The following SCD variants were observed in gnomAD, a reference collection of about 807,000 sequenced individuals.
SCD encodes stearoyl-CoA desaturase.
In SCD, 4 loss-of-function variants were observed where a neutral mutation model predicts 35.7. The ratio of observed to expected loss-of-function variants is 0.11; its 90% CI spans 0.06 to 0.26. The LOEUF is 0.26. Among genes scored for constraint, SCD ranks in the 10% least tolerant of loss-of-function variants. SCD has a pLI of 1.00. For synonymous variants in SCD, 150 were observed against 170.2 expected (o/e 0.88, Z 0.92); for missense variants, 282 against 460.7 (o/e 0.61, Z 3.55).
At position 100,361,683 on chromosome 10, in the gene SCD, G is replaced by A. The variant is rs1187714633; in HGVS notation, c.*750G>A. The A allele has an allele frequency of 1.3e-5, 2 of 152,220 alleles. No homozygotes were observed. Among genetic ancestry groups the A allele is most frequent in the African/African-American group, 4.8e-5 (2 of 41,458 alleles). The allele number at this position is 152,220 out of a possible 1,614,324, so 9.4% of individuals were successfully genotyped here. ...AATGCCGCAACATATAGTTGAGGCC[G>A]AGGATAAAGAAAAGACATTTTAAGT... On this transcript the variant is annotated 3_prime_UTR_variant, in exon 6 of 6. Coordinates refer to ENST00000370355, the MANE Select transcript of SCD (RefSeq NM_005063.5).
Position 100,362,945 on chromosome 10 carries a change from C to A in SCD, c.*2012C>A, listed in dbSNP as rs1331997978. On this transcript the variant is annotated 3_prime_UTR_variant, in exon 6 of 6. Coordinates refer to ENST00000370355, the MANE Select transcript of SCD (RefSeq NM_005063.5). ...GGGCATGCTGAATGCCCCCTGCTTA[C>A]TTGGTGAGGGTGCCCCGCCTGAGTC... 1 of 152,324 alleles carries A rather than the reference C, an allele frequency of 6.6e-6. No homozygotes were observed. Among genetic ancestry groups the A allele is most frequent in the African/African-American group, 2.4e-5 (1 of 41,474 alleles). 9.4% of individuals were successfully genotyped at this position (152,324 alleles called of 1,614,324 possible). A position where few individuals can be genotyped will look rare whatever the true frequency, so the allele number is the denominator to read the frequency against.
rs1297148755 is a variant in SCD at position 100,352,277 on chromosome 10, G to A, written c.311-89G>A. 5.1e-6 allele frequency: 7 copies of A among 1,385,394 alleles called. No homozygotes were observed. The highest frequency in any genetic ancestry group is 7.0e-6 in the Non-Finnish European group (7 of 1,002,148). 85.8% of individuals were successfully genotyped at this position (1,385,394 alleles called of 1,614,324 possible). Reference sequence around the variant, plus strand: ...TCTCACCCAAAGCCTGACGAAGACAGTTTCTAGCATCCAGAGAGTGTCTCT... The same window carrying A: ...TCTCACCCAAAGCCTGACGAAGACAATTTCTAGCATCCAGAGAGTGTCTCT... On this transcript the variant is annotated intron_variant, in intron 2 of 5. Coordinates refer to ENST00000370355, the MANE Select transcript of SCD (RefSeq NM_005063.5). This position sits in a 1 kb window ranked among gnomAD's most constrained non-coding sequence, Gnocchi z 4.2.
rs200181676 is a variant in SCD, at chr10:100,360,979, G to C, written c.*46G>C. ...CTTTTTCAAAAACCAGCCAGGCAGA[G>C]GTTTTAATGTCTGTTTATTAACTAC... is the stretch of plus-strand genomic sequence containing the variant. On this transcript the variant is annotated 3_prime_UTR_variant, in exon 6 of 6. Coordinates refer to ENST00000370355, the MANE Select transcript of SCD (RefSeq NM_005063.5). 3 of 1,519,540 alleles carry C rather than the reference G, an allele frequency of 2.0e-6. No homozygotes were observed. Among genetic ancestry groups the C allele is most frequent in the East Asian group, 2.2e-5 (1 of 44,468 alleles). The allele number at this position is 1,519,540 out of a possible 1,614,324, so 94.1% of individuals were successfully genotyped here. A position where few individuals can be genotyped will look rare whatever the true frequency, so the allele number is the denominator to read the frequency against.
intron 3 of SCD, 140 bp from the exon 4 acceptor site, chr10:100,354,287 A>T (rs1240253030): frequency 2.7e-6 from 2 of 734,538 alleles, no homozygotes; most frequent in Admixed American, 5.2e-5. Context: ...AGGCAACTCC[A>T]TGACTCCTTT....
At chr10:100,359,432 T>G (rs879178508) in intron 5 of SCD, among the ~76,000 whole-genome samples, 1 of 152,082 alleles carries the variant, frequency 6.6e-6, no homozygotes, top group African/African-American at 2.4e-5. Context: ...ACCCTCTTCT[T>G]TTTTTTTCCT....
In SCD at chr10:100,348,332, A is replaced by C. The variant is rs1333305110; in HGVS notation, c.296A>C (p.Tyr99Ser). 1.9e-6 allele frequency: 3 copies of C among 1,613,594 alleles called. No homozygotes were observed. The highest frequency in any genetic ancestry group is 2.7e-5 in the African/African-American group (2 of 74,858). ...GITLIPTCKF[Y>S]TWLWGVFYYF... Reference sequence around the variant, plus strand: ...ACTTTGATTCCTACCTGCAAGTTCTACACCTGGCTTTGGGGTAAGCAGCCT... The same window carrying C: ...ACTTTGATTCCTACCTGCAAGTTCTCCACCTGGCTTTGGGGTAAGCAGCCT... The change falls in exon 2 of 6, where the codon TAC becomes TCC. Residue 99 changes from tyrosine (Y) to serine (S), a missense_variant. Around this residue, in one of 2 missense-constraint regions of SCD, gnomAD observed 205 missense variants for 372.3 expected, o/e 0.55. Coordinates refer to ENST00000370355, the MANE Select transcript of SCD (RefSeq NM_005063.5).
chr10:100,361,396 A>G lies in SCD; in HGVS notation c.*463A>G, dbSNP rs1253415485. 6.3e-6 allele frequency: 1 copy of G among 159,600 alleles called. No homozygotes were observed. Among genetic ancestry groups the G allele is most frequent in the Non-Finnish European group, 1.4e-5 (1 of 72,156 alleles). 9.9% of individuals were successfully genotyped at this position (159,600 alleles called of 1,614,324 possible). ...TCTTCTGGGTAGTCCCCTGTTGATTATCTTCAGCCCAGGCTTTTGCTAGAT... is the reference window on the plus strand; with the variant it reads ...TCTTCTGGGTAGTCCCCTGTTGATTGTCTTCAGCCCAGGCTTTTGCTAGAT... On this transcript the variant is annotated 3_prime_UTR_variant, in exon 6 of 6. Transcript: ENST00000370355.
Position 100,354,559 on chromosome 10 carries a change from G to C in SCD, c.574G>C (p.Ala192Pro), listed in dbSNP as rs1849907583. 1 of 1,614,080 alleles carries C rather than the reference G, an allele frequency of 6.2e-7. No homozygotes were observed. Among genetic ancestry groups the C allele is most frequent in the African/African-American group, 1.3e-5 (1 of 74,946 alleles). ...TTGGCTGCTTGTGCGCAAACACCCA[G>C]CTGTCAAAGAGAAGGGGAGTACGCT... ...VGWLLVRKHP[A>P]VKEKGSTLDL... The change falls in exon 4 of 6, where the codon GCT becomes CCT. Residue 192 changes from alanine to proline, a missense_variant. By Grantham distance (27) the Ala-to-Pro change is conservative (BLOSUM62 -1). Coordinates refer to ENST00000370355, the MANE Select transcript of SCD (RefSeq NM_005063.5).
chr10:100,353,783 G>A (rs1003021444), intron 3 of SCD, among the ~76,000 whole-genome samples: 1 of 152,178 alleles, frequency 6.6e-6, no homozygotes, highest in Non-Finnish European at 1.5e-5. Flanking sequence ...GATCATCTCT[G>A]CCATAGCAGC....
At chr10:100,359,371 G>A (rs1018417738) in intron 5 of SCD, among the ~76,000 whole-genome samples, 2 of 151,898 alleles carry the variant, frequency 1.3e-5, no homozygotes, top group Admixed American at 1.3e-4. Context: ...CCTTTCTTGG[G>A]CTGTCTCTTG....
chr10:100,352,261 A>G lies in SCD; in HGVS notation c.311-105A>G. ...TCATGGTAAAGCCAGTTCTCACCCA[A>G]AGCCTGACGAAGACAGTTTCTAGCA... On this transcript the variant is annotated intron_variant, in intron 2 of 5. Transcript: ENST00000370355. This position sits in a 1 kb window ranked among gnomAD's most constrained non-coding sequence, Gnocchi z 4.2. The G allele has an allele frequency of 8.4e-7, 1 of 1,191,704 alleles. No homozygotes were observed. The allele number at this position is 1,191,704 out of a possible 1,614,324, so 73.8% of individuals were successfully genotyped here.
chr10:100,352,540 A>AATG lies in SCD; in HGVS notation c.441+47_441+49dup. 1 of 1,594,240 alleles carries AATG rather than the reference A, an allele frequency of 6.3e-7. No individual in the cohort carries two copies. The highest frequency in any genetic ancestry group is 1.1e-5 in the South Asian group (1 of 90,552). On this transcript the variant is annotated intron_variant, in intron 3 of 5. Transcript: ENST00000370355. This position sits in a 1 kb window ranked among gnomAD's most constrained non-coding sequence, Gnocchi z 4.2. ...TCAGCTGTTTGTCCTCCACACTATTAATGATCCGGGGACAGAAAGGAGGGA... is the reference window on the plus strand; with the variant it reads ...TCAGCTGTTTGTCCTCCACACTATTAATGATGATCCGGGGACAGAAAGGAGGGA...
In SCD at chr10:100,348,099, A is replaced by C. The variant is rs201996503; in HGVS notation, c.63A>C (p.Thr21=). 9 of 1,613,380 alleles carry C rather than the reference A, an allele frequency of 5.6e-6. No individual in the cohort carries two copies. The African/African-American group carries it at 1.2e-4, about 22-fold the overall frequency. The change falls in exon 2 of 6, where the codon ACA becomes ACC. Residue 21 remains threonine (T), a synonymous_variant. Transcript: ENST00000370355. ...CCTATACCACCACCACCACCATTAC[A>C]GCGCCTCCCTCCAGGGTCCTGCAGA... ...SSSYTTTTTI[T]APPSRVLQNG... is the part of the protein sequence containing the mutation.
chr10:100,351,348 C>CCG (rs1452862777), intron 2 of SCD, among the ~76,000 whole-genome samples: 1 of 34,004 alleles, frequency 2.9e-5, no homozygotes, highest in Non-Finnish European at 5.8e-5. Context: ...GAGAGCGTTG[C>CCG]CCGGTGAGAG....
At chr10:100,354,392 C>T in intron 3 of SCD, 35 bp from the exon 4 acceptor site, 1 of 1,585,786 alleles carries the variant, frequency 6.3e-7, no homozygotes, top group Non-Finnish European at 8.7e-7. Flanking sequence ...GGTGTCTATC[C>T]TCAAGCCTTA....
intron 5 of SCD, among the ~76,000 whole-genome samples, chr10:100,358,981 C>T (rs904387946): frequency 6.6e-6 from 1 of 152,026 alleles, no homozygotes; most frequent in Non-Finnish European, 1.5e-5. Flanking sequence ...TTTCACATAT[C>T]TCTTTTCAGG....
Position 100,362,873 on chromosome 10 carries a change from CAA to C in SCD, c.*1943_*1944del, listed in dbSNP as rs755216268. On this transcript the variant is annotated 3_prime_UTR_variant, in exon 6 of 6. Transcript: ENST00000370355. The stretch of plus-strand genomic sequence containing the variant: ...TTGAGCCAGTGGGCCAGCCACAGAG[CAA>C]AAGAGGGTTTATTTTCAGTCCCCTC... 3.3e-5 allele frequency: 5 copies of C among 152,210 alleles called. No individual in the cohort carries two copies. Among genetic ancestry groups the C allele is most frequent in the Non-Finnish European group, 7.3e-5 (5 of 68,068 alleles). 9.4% of individuals were successfully genotyped at this position (152,210 alleles called of 1,614,324 possible). A position where few individuals can be genotyped will look rare whatever the true frequency, so the allele number is the denominator to read the frequency against.
rs1564627074 is a variant in SCD at position 100,361,543 on chromosome 10, G to A, written c.*610G>A. The A allele has an allele frequency of 6.5e-6, 1 of 153,444 alleles. No homozygotes were observed. Among genetic ancestry groups the A allele is most frequent in the Non-Finnish European group, 1.5e-5 (1 of 68,934 alleles). 9.5% of individuals were successfully genotyped at this position (153,444 alleles called of 1,614,324 possible). On this transcript the variant is annotated 3_prime_UTR_variant, in exon 6 of 6. Transcript: ENST00000370355. Reference sequence around the variant, plus strand: ...CGAAGCAAGAGGAACCTCTCGCCATGATCAGACATACAGCTGCCTACCTAA... The same window carrying A: ...CGAAGCAAGAGGAACCTCTCGCCATAATCAGACATACAGCTGCCTACCTAA...
In SCD at chr10:100,361,111, G is replaced by A. The variant is rs1849985785; in HGVS notation, c.*178G>A. 1 of 607,254 alleles carries A rather than the reference G, an allele frequency of 1.6e-6. No individual in the cohort carries two copies. The highest frequency in any genetic ancestry group is 2.9e-6 in the Non-Finnish European group (1 of 346,978). The allele number at this position is 607,254 out of a possible 1,614,324, so 37.6% of individuals were successfully genotyped here. A position where few individuals can be genotyped will look rare whatever the true frequency, so the allele number is the denominator to read the frequency against. ...AAGCCAACAACTCTGCCTTTATGAT[G>A]CTAAGCTGATATTATTTCTTCTCTT... On this transcript the variant is annotated 3_prime_UTR_variant, in exon 6 of 6. Transcript: ENST00000370355.
Sources: gnomAD v4.1 joint callset for allele counts (sites outside exome capture counted in the v4.1 genomes callset) on GRCh38, gnomAD v4.1.1 for gene constraint, gnomAD v4.1.1 regional missense constraint, Gnocchi (gnomAD v3.1) non-coding constraint, MANE v1.5 for transcripts, NCBI Gene and HGNC (gene_info 2026-07-23, HGNC 2026-07-21) for gene names.